Variants in TARBP2 observed in about 807,000 individuals in gnomAD.
TARBP2 encodes the protein RISC-loading complex subunit TARBP2.
Under a neutral mutation model 40.4 loss-of-function variants are expected in TARBP2, and 23 were observed. The observed-to-expected ratio is 0.57, with a 90% CI of 0.41 to 0.81. The LOEUF (loss-of-function observed/expected upper bound fraction) is 0.81, where lower values mean the gene tolerates loss of function less well. Among genes scored for constraint, TARBP2 ranks in the 30% least tolerant of loss-of-function variants. The pLI, the probability that TARBP2 is intolerant of heterozygous loss-of-function variation, is 0.00. For synonymous variants in TARBP2, 183 were observed against 190.5 expected (o/e 0.96, Z 0.32); for missense variants, 358 against 473.7 (o/e 0.76, Z 2.27).
intron 1 of TARBP2, 117 bp from the exon 2 acceptor site, chr12:53,501,894 ACTGT>A: frequency 6.9e-7 from 1 of 1,456,774 alleles, no homozygotes. Flanking sequence ...TGGATGCTAG[ACTGT>A]CTGGGGTTCC....
Position 53,505,332 on chromosome 12 carries a change from G to A in TARBP2, c.741+70G>A, listed in dbSNP as rs1943924203. On this transcript the variant is annotated intron_variant, in intron 7 of 8. Coordinates refer to ENST00000266987, the MANE Select transcript of TARBP2 (RefSeq NM_134323.2). The surrounding 1 kb of genome is among the most constrained non-coding windows in gnomAD (Gnocchi z 4.5). ...CCAGGGCAGGGCTCCAGGGACTTGG[G>A]TCTGTGACTCAGCAGTGAGCCTCTC... 6.6e-7 allele frequency: 1 copy of A among 1,523,234 alleles called. No individual in the cohort carries two copies. The highest frequency in any genetic ancestry group is 8.8e-7 in the Non-Finnish European group (1 of 1,132,772). The allele number at this position is 1,523,234 out of a possible 1,614,324, so 94.4% of individuals were successfully genotyped here. A position where few individuals can be genotyped will look rare whatever the true frequency, so the allele number is the denominator to read the frequency against.
rs1943908815 is a variant in TARBP2, at chr12:53,505,067, G to A, written c.614-68G>A. On this transcript the variant is annotated intron_variant, in intron 6 of 8. Transcript: ENST00000266987. This position sits in a 1 kb window ranked among gnomAD's most constrained non-coding sequence, Gnocchi z 4.5. ...CATTCTGGGGGGACCCTCAATCCAA[G>A]TATGACCTGGGTGGAAGCACTGGGT... is the stretch of plus-strand genomic sequence containing the variant. 2 of 1,547,432 alleles carry A rather than the reference G, an allele frequency of 1.3e-6. No individual in the cohort carries two copies. The highest frequency in any genetic ancestry group is 1.8e-5 in the Admixed American group (1 of 54,404).
chr12:53,503,283 C>T (rs1243609850), intron 3 of TARBP2, 154 bp downstream of exon 3: 5 of 1,392,238 alleles, frequency 3.6e-6, no homozygotes, highest in South Asian at 1.7e-5. Context: ...TTTTCCAGGG[C>T]TTCTGCTGCT....
chr12:53,503,496 G>GATAC (rs1263896710), intron 3 of TARBP2: 2 of 583,914 alleles, frequency 3.4e-6, no homozygotes, highest in East Asian at 5.8e-5. Context: ...TGGGTACAAA[G>GATAC]ATACCCTCTT....
Position 53,505,926 on chromosome 12 carries a change from T to A in TARBP2, c.944-65T>A. ...CAAGTAGAAGGGGGTGATGATAACG[T>A]GAACGCACCCCTCCCCAGGGCTACC... is the stretch of plus-strand genomic sequence containing the variant. On this transcript the variant is annotated intron_variant, in intron 8 of 8. Coordinates refer to ENST00000266987, the MANE Select transcript of TARBP2 (RefSeq NM_134323.2). This position sits in a 1 kb window ranked among gnomAD's most constrained non-coding sequence, Gnocchi z 4.5. The A allele has an allele frequency of 6.2e-7, 1 of 1,604,670 alleles. No homozygotes were observed. Among genetic ancestry groups the A allele is most frequent in the Non-Finnish European group, 8.5e-7 (1 of 1,172,774 alleles).
Position 53,502,661 on chromosome 12 carries a change from T to C in TARBP2, c.224-366T>C, listed in dbSNP as rs548623421. The C allele has an allele frequency of 2.4e-5, 5 of 210,314 alleles. No individual in the cohort carries two copies. In the East Asian group the frequency reaches 6.6e-4, roughly 28 times the overall value. The allele number at this position is 210,314 out of a possible 1,614,324, so 13.0% of individuals were successfully genotyped here. On this transcript the variant is annotated intron_variant, in intron 2 of 8. Coordinates refer to ENST00000266987, the MANE Select transcript of TARBP2 (RefSeq NM_134323.2). Reference sequence around the variant, plus strand: ...AGTAAATGGCTGGTGCATGGTCACATGCCTAGTATGTGGCAGAGTGGGGCT... The same window carrying C: ...AGTAAATGGCTGGTGCATGGTCACACGCCTAGTATGTGGCAGAGTGGGGCT...
At chr12:53,503,334 G>C (rs1469663858) in intron 3 of TARBP2, 1 of 1,238,774 alleles carries the variant, frequency 8.1e-7, no homozygotes, top group Non-Finnish European at 1.1e-6. Context: ...TAGCCCCATA[G>C]AGGGGTTGTG....
In TARBP2 at chr12:53,502,983, G is replaced by A. The variant is rs1449838756; in HGVS notation, c.224-44G>A. The stretch of plus-strand genomic sequence containing the variant: ...GCTGTGGGATGCTGGTTTCTTTCCC[G>A]TCCTTTCAGTGACCTCCAGTATTGC... On this transcript the variant is annotated intron_variant, in intron 2 of 8. Transcript: ENST00000266987. The A allele has an allele frequency of 2.3e-5, 35 of 1,516,964 alleles. No homozygotes were observed. In the East Asian group the frequency reaches 4.9e-4, roughly 21 times the overall value. 94.0% of individuals were successfully genotyped at this position (1,516,964 alleles called of 1,614,324 possible). A position where few individuals can be genotyped will look rare whatever the true frequency, so the allele number is the denominator to read the frequency against.
chr12:53,501,513 G>C (rs781406868), intron 1 of TARBP2, 52 bp downstream of exon 1: 2 of 1,551,330 alleles, frequency 1.3e-6, no homozygotes, highest in Non-Finnish European at 1.7e-6. Flanking sequence ...GGGCCGTGCG[G>C]AGGGAGTAGC....
chr12:53,502,011 C>G lies in TARBP2; in HGVS notation c.54-4C>G. 4 of 1,614,094 alleles carry G rather than the reference C, an allele frequency of 2.5e-6. No homozygotes were observed. The South Asian group carries it at 3.3e-5, about 13-fold the overall frequency. ...GTGATGTGGGTCTGTGCCCCTTCCC[C>G]CAGTATAGAGCAAATGCTGGCCGCC... On this transcript the variant is annotated splice_region_variant and splice_polypyrimidine_tract_variant and intron_variant, in intron 1 of 8. Transcript: ENST00000266987.
At position 53,505,343 on chromosome 12, in the gene TARBP2, A is replaced by G; in HGVS notation, c.741+81A>G. The G allele has an allele frequency of 6.6e-7, 1 of 1,510,644 alleles. No individual in the cohort carries two copies. Among genetic ancestry groups the G allele is most frequent in the Admixed American group, 2.2e-5 (1 of 45,458 alleles). 93.6% of individuals were successfully genotyped at this position (1,510,644 alleles called of 1,614,324 possible). A position where few individuals can be genotyped will look rare whatever the true frequency, so the allele number is the denominator to read the frequency against. On this transcript the variant is annotated intron_variant, in intron 7 of 8. Coordinates refer to ENST00000266987, the MANE Select transcript of TARBP2 (RefSeq NM_134323.2). This position sits in a 1 kb window ranked among gnomAD's most constrained non-coding sequence, Gnocchi z 4.5. ...CTCCAGGGACTTGGGTCTGTGACTC[A>G]GCAGTGAGCCTCTCTGGGCCCTAGG... is the stretch of plus-strand genomic sequence containing the variant.
At position 53,504,460 on chromosome 12, in the gene TARBP2, T is replaced by C. The variant is rs778864218; in HGVS notation, c.486T>C (p.Gly162=). 6.2e-7 allele frequency: 1 copy of C among 1,613,378 alleles called. No individual in the cohort carries two copies. Among genetic ancestry groups the C allele is most frequent in the East Asian group, 2.2e-5 (1 of 44,862 alleles). The change falls in exon 5 of 9, where the codon GGT becomes GGC. Residue 162 remains glycine, a synonymous_variant. Transcript: ENST00000266987. ...SPQQSECNPV[G]ALQELVVQKG... ...AGCAGTCTGAGTGCAACCCCGTTGG[T>C]GCTCTGCAGGTGTGTCCCATCCTCA...
In TARBP2 at chr12:53,506,062, G is replaced by A; in HGVS notation, c.1015G>A (p.Gly339Ser). The A allele has an allele frequency of 2.5e-6, 4 of 1,614,090 alleles. No homozygotes were observed. The highest frequency in any genetic ancestry group is 3.4e-6 in the Non-Finnish European group (4 of 1,180,020). ...LSTQPATVCH[G>S]SATTREAARG... The stretch of plus-strand genomic sequence containing the variant: ...CACCCAGCCGGCCACTGTGTGTCAT[G>A]GCTCTGCAACCACCAGGGAGGCAGC... Residue 339 changes from glycine to serine, a missense_variant, in exon 9 of 9, where the codon GGC (glycine) becomes AGC (serine). Coordinates refer to ENST00000266987, the MANE Select transcript of TARBP2 (RefSeq NM_134323.2).
chr12:53,503,359 C>A (rs747262917), intron 3 of TARBP2: 1 of 997,720 alleles, frequency 1.0e-6, no homozygotes, highest in Non-Finnish European at 1.4e-6. Context: ...TAGGTTGGGG[C>A]CTGGGTTAGG....
chr12:53,501,435 C>A lies in TARBP2; in HGVS notation c.27C>A (p.Gly9=). 1 of 1,569,250 alleles carries A rather than the reference C, an allele frequency of 6.4e-7. No homozygotes were observed. The highest frequency in any genetic ancestry group is 8.6e-7 in the Non-Finnish European group (1 of 1,156,972). Residue 9 remains glycine, a synonymous_variant, in exon 1 of 9, where the codon GGC becomes GGA. Transcript: ENST00000266987. ...TGAGTGAAGAGGAGCAAGGCTCCGG[C>A]ACTACCACGGGCTGCGGGCTGCCTA... MSEEEQGS[G]TTTGCGLPSI... is the part of the protein sequence containing the mutation.
chr12:53,505,711 A>G lies in TARBP2; in HGVS notation c.804A>G (p.Leu268=). 1 of 1,613,980 alleles carries G rather than the reference A, an allele frequency of 6.2e-7. No individual in the cohort carries two copies. Among genetic ancestry groups the G allele is most frequent in the Non-Finnish European group, 8.5e-7 (1 of 1,179,970 alleles). ...NRGPGCTWDS[L]RNSVGEKILS... Reference sequence around the variant, plus strand: ...GCCCAGGTTGCACCTGGGATTCTCTACGAAATTCAGTAGGAGAGAAGATCC... The same window carrying G: ...GCCCAGGTTGCACCTGGGATTCTCTGCGAAATTCAGTAGGAGAGAAGATCC... Residue 268 remains leucine (L), a synonymous_variant, in exon 8 of 9, where the codon CTA becomes CTG. Transcript: ENST00000266987. The surrounding 1 kb of genome is among the most constrained non-coding windows in gnomAD (Gnocchi z 4.5).
intron 6 of TARBP2, 132 bp downstream of exon 6, chr12:53,504,947 C>A (rs1406768557): frequency 1.4e-6 from 2 of 1,427,744 alleles, no homozygotes; most frequent in Non-Finnish European, 1.9e-6. Flanking sequence ...TCAGCCCCTT[C>A]CTTTTAGCTT....
rs138108626 is a variant in TARBP2 at position 53,506,339 on chromosome 12, C to T, written c.*191C>T. 3.7e-4 allele frequency: 245 copies of T among 663,318 alleles called. 4 individuals carry two copies. The highest frequency in any genetic ancestry group is 3.6e-3 in the African/African-American group (199 of 55,278). 41.1% of individuals were successfully genotyped at this position (663,318 alleles called of 1,614,324 possible). On this transcript the variant is annotated 3_prime_UTR_variant, in exon 9 of 9. Coordinates refer to ENST00000266987, the MANE Select transcript of TARBP2 (RefSeq NM_134323.2). ...ACAGAGCCTCAGCCAGCCCAGGATC[C>T]GTCCTCATTTTATTGGTGATGATGA... is the stretch of plus-strand genomic sequence containing the variant.
Position 53,503,096 on chromosome 12 carries a change from G to A in TARBP2, c.293G>A (p.Gly98Glu), listed in dbSNP as rs1943793292. The A allele has an allele frequency of 1.9e-6, 3 of 1,550,380 alleles. No individual in the cohort carries two copies. Among genetic ancestry groups the A allele is most frequent in the African/African-American group, 1.4e-5 (1 of 72,982 alleles). Residue 98 changes from glycine (G) to glutamate (E), a missense_variant, in exon 3 of 9, where the codon GGG (glycine) becomes GAG (glutamate). Gly to Glu is a moderately conservative substitution (Grantham distance 98). Transcript: ENST00000266987. ...GTGGCCCTCAAACACCTCAAAGGGG[G>A]GAGCATGCTGGAGCCGGCCCTGGAG... ...AEVALKHLKG[G>E]SMLEPALEDS... is the part of the protein sequence containing the mutation.
Sources: allele counts gnomAD v4.1 joint callset, GRCh38; gene constraint gnomAD v4.1.1; non-coding constraint Gnocchi (gnomAD v3.1); transcripts MANE v1.5; gene names NCBI Gene and HGNC (gene_info 2026-07-23, HGNC 2026-07-21).